SLMAP: variants seen among roughly 807,000 people sequenced by gnomAD.
SLMAP encodes the protein sarcolemma associated protein.
Under a neutral mutation model 128.8 loss-of-function variants are expected in SLMAP, and 44 were observed. The observed-to-expected ratio is 0.34, with a 90% CI of 0.27 to 0.44. The LOEUF (loss-of-function observed/expected upper bound fraction) is 0.44. Among genes scored for constraint, SLMAP ranks in the 20% least tolerant of loss-of-function variants. The pLI is 1.00. For synonymous variants in SLMAP, 327 were observed against 348.8 expected (o/e 0.94, Z 0.70); for missense variants, 787 against 985.3 (o/e 0.80, Z 2.69).
intron 3 of SLMAP, among the ~76,000 whole-genome samples, chr3:57,839,068 C>T (rs549001280): frequency 1.1e-4 from 16 of 152,140 alleles, no homozygotes; most frequent in African/African-American, 3.6e-4. Flanking sequence ...ATCCCCCAGC[C>T]TTAGCCTCCT....
chr3:57,855,723 A>C (rs558970068), intron 6 of SLMAP, among the ~76,000 whole-genome samples: 1 of 149,320 alleles, frequency 6.7e-6, no homozygotes, highest in South Asian at 2.1e-4. Flanking sequence ...AAAAAAAAAA[A>C]AACAAAAAAA....
intron 14 of SLMAP, among the ~76,000 whole-genome samples, chr3:57,872,879 C>G (rs544169855): frequency 2.0e-5 from 3 of 152,274 alleles, no homozygotes; most frequent in African/African-American, 7.2e-5. Context: ...TCATTCTGCT[C>G]TCCTTTCTTG....
chr3:57,898,416 T>G (rs2096289832), intron 17 of SLMAP: 1 of 152,214 alleles, frequency 6.6e-6, no homozygotes, highest in South Asian at 2.1e-4. Context: ...TATGGTCTTT[T>G]GCACTACAGA....
chr3:57,883,592 C>A (rs922957917), intron 14 of SLMAP, among the ~76,000 whole-genome samples: 2 of 152,070 alleles, frequency 1.3e-5, no homozygotes, highest in Non-Finnish European at 2.9e-5. Context: ...TGATTAAATA[C>A]GGTGAATGGA....
Position 57,907,884 on chromosome 3 carries a change from A to G in SLMAP, c.1502A>G (p.Asp501Gly), listed in dbSNP as rs1327758464. 1.9e-6 allele frequency: 3 copies of G among 1,612,570 alleles called. No homozygotes were observed. The highest frequency in any genetic ancestry group is 1.1e-5 in the South Asian group (1 of 90,792). ...EPLAKVSLLK[D>G]DLQGAQSEIE... ...TTTAAAATAAACATGTTTTTGTCAG[A>G]TGACTTGCAGGGTGCACAGTCAGAA... The change falls in exon 18 of 25, where the codon GAT becomes GGT. Residue 501 changes from aspartate to glycine, a missense_variant and splice_region_variant. Asp to Gly is a moderately conservative substitution (Grantham distance 94). Coordinates refer to ENST00000671191, the MANE Select transcript of SLMAP (RefSeq NM_001377540.1).
At chr3:57,853,382 G>A (rs756134182) in intron 6 of SLMAP, among the ~76,000 whole-genome samples, 127 of 152,222 alleles carry the variant, frequency 8.3e-4, no homozygotes, top group Non-Finnish European at 1.3e-3. Flanking sequence ...AGGATGTGGA[G>A]AGCAATAAAT....
At chr3:57,879,917 T>C (rs2095689386) in intron 14 of SLMAP, among the ~76,000 whole-genome samples, 2 of 150,034 alleles carry the variant, frequency 1.3e-5, no homozygotes, top group African/African-American at 4.9e-5. Flanking sequence ...GCCACTGCAC[T>C]CCAGCCAGGG....
chr3:57,893,532 A>C (rs2096152853), intron 15 of SLMAP, among the ~76,000 whole-genome samples: 1 of 152,200 alleles, frequency 6.6e-6, no homozygotes, highest in East Asian at 1.9e-4. Context: ...CCTTTAAGGC[A>C]ACTTTACCTT....
At chr3:57,824,976 CAGTT>C (rs2092811248) in intron 2 of SLMAP, among the ~76,000 whole-genome samples, 1 of 152,144 alleles carries the variant, frequency 6.6e-6, no homozygotes, top group South Asian at 2.1e-4. Flanking sequence ...TTTACCTCCT[CAGTT>C]AAATTTATTC....
rs900788951 is a variant in SLMAP, at chr3:57,923,160, A to G, written c.2445+137A>G. The G allele has an allele frequency of 7.1e-5, 60 of 844,032 alleles. No individual in the cohort carries two copies. The Admixed American group carries it at 1.3e-3, about 18-fold the overall frequency. The allele number at this position is 844,032 out of a possible 1,614,324, so 52.3% of individuals were successfully genotyped here. A position where few individuals can be genotyped will look rare whatever the true frequency, so the allele number is the denominator to read the frequency against. ...AGGCTTTTCATTATGAAATTCCATG[A>G]TAGAATCATTGTGCTGTCAGATTTT... On this transcript the variant is annotated intron_variant, in intron 23 of 24. Coordinates refer to ENST00000671191, the MANE Select transcript of SLMAP (RefSeq NM_001377540.1).
chr3:57,760,947 G>A (rs2078506862), intron 2 of SLMAP, among the ~76,000 whole-genome samples: 1 of 151,504 alleles, frequency 6.6e-6, no homozygotes, highest in Non-Finnish European at 1.5e-5. Context: ...GGCTGGTCTT[G>A]AACTCCCAAC....
At chr3:57,808,136 C>G (rs752788376) in intron 2 of SLMAP, among the ~76,000 whole-genome samples, 15 of 150,826 alleles carry the variant, frequency 9.9e-5, no homozygotes, top group African/African-American at 3.7e-4. Context: ...CTTATTGTGT[C>G]TATTCTCTCT....
chr3:57,925,777 G>A (rs180748746), intron 23 of SLMAP, 68 bp from the exon 24 acceptor site: 1 of 1,074,466 alleles, frequency 9.3e-7, no homozygotes, highest in East Asian at 2.6e-5. Context: ...ACCCTACTGG[G>A]GTCTGAATCC....
At chr3:57,833,906 G>A (rs1385303475) in intron 3 of SLMAP, among the ~76,000 whole-genome samples, 1 of 151,982 alleles carries the variant, frequency 6.6e-6, no homozygotes, top group African/African-American at 2.4e-5. Flanking sequence ...CACCAGTTGA[G>A]TACTACCTGT....
chr3:57,801,811 T>A (rs1196938026), intron 2 of SLMAP, among the ~76,000 whole-genome samples: 1 of 152,100 alleles, frequency 6.6e-6, no homozygotes, highest in African/African-American at 2.4e-5. Flanking sequence ...TCCAGTAGTT[T>A]GTGCCAGTTG....
rs1473826894 is a variant in SLMAP at position 57,929,610 on chromosome 3, A to G, written c.*2321A>G. ...AATAATAGAGTCATTAAGAAATATT[A>G]AGCATTGCAGCTAAAAATTGAACAA... On this transcript the variant is annotated 3_prime_UTR_variant, in exon 25 of 25. Transcript: ENST00000671191. Among the ~76,000 whole-genome samples, 1 of 152,242 alleles carries G rather than the reference A, an allele frequency of 6.6e-6. No individual in the cohort carries two copies. Among genetic ancestry groups the G allele is most frequent in the African/African-American group, 2.4e-5 (1 of 41,472 alleles).
At chr3:57,853,998 T>TATAA (rs2094634379) in intron 6 of SLMAP, among the ~76,000 whole-genome samples, 1 of 108,042 alleles carries the variant, frequency 9.3e-6, no homozygotes, top group African/African-American at 3.6e-5. Flanking sequence ...TATATATATA[T>TATAA]ATTTACATAT....
At chr3:57,804,557 A>G (rs1320084695) in intron 2 of SLMAP, among the ~76,000 whole-genome samples, 1 of 152,180 alleles carries the variant, frequency 6.6e-6, no homozygotes, top group African/African-American at 2.4e-5. Flanking sequence ...CAGCCTGGGC[A>G]AAATGGTGAA....
chr3:57,781,883 G>T (rs2083162688), intron 2 of SLMAP, among the ~76,000 whole-genome samples: 1 of 151,644 alleles, frequency 6.6e-6, no homozygotes, highest in African/African-American at 2.4e-5. Flanking sequence ...TAGGCATGCA[G>T]CACCACACCC....
Sources: allele counts gnomAD v4.1 joint callset (sites outside exome capture counted in the v4.1 genomes callset), GRCh38; gene constraint gnomAD v4.1.1; transcripts MANE v1.5; gene names NCBI Gene and HGNC (gene_info 2026-07-23, HGNC 2026-07-21).